The following FAAP100 variants were observed in gnomAD, a reference collection of about 807,000 sequenced individuals.
The protein encoded by FAAP100 is FA core complex associated protein 100.
FAAP100 carries 46 observed loss-of-function variants against 65.8 expected under a neutral mutation model. The ratio of observed to expected loss-of-function variants is 0.70; its 90% CI spans 0.55 to 0.89. FAAP100 has a LOEUF of 0.89. Ranked by LOEUF, FAAP100 falls within the 40% of genes least tolerant of loss-of-function variation. The pLI is 0.00. For synonymous variants in FAAP100, 663 were observed against 555.1 expected (o/e 1.19, Z -2.73); for missense variants, 1,165 against 1,196.7 (o/e 0.97, Z 0.39).
In FAAP100 at chr17:81,541,359, C is replaced by T. The variant is rs199679438; in HGVS notation, c.2464G>A (p.Ala822Thr). Reference sequence around the variant, plus strand: ...AGGTACTGCACACGGAGATCAGGAGCGCTGGAGCCCTGGGTGGCCTGCTCT... The same window carrying T: ...AGGTACTGCACACGGAGATCAGGAGTGCTGGAGCCCTGGGTGGCCTGCTCT... ...VTEQATQGSS[A>T]PDLRVQYLRQ... Residue 822 changes from alanine to threonine, a missense_variant, in exon 8 of 9, where the codon GCT becomes ACT. Transcript: ENST00000327787. 3.7e-5 allele frequency: 60 copies of T among 1,611,592 alleles called. No individual in the cohort carries two copies. Among genetic ancestry groups the T allele is most frequent in the South Asian group, 1.2e-4 (11 of 90,862 alleles).
rs766722306 is a variant in FAAP100, at chr17:81,550,363, C to T, written c.1131G>A (p.Pro377=). The T allele has an allele frequency of 1.5e-5, 24 of 1,612,698 alleles. No homozygotes were observed. Among genetic ancestry groups the T allele is most frequent in the Admixed American group, 3.3e-5 (2 of 60,012 alleles). Reference sequence around the variant, plus strand: ...CTTCTTCGGGCTGCTCAGGGCCCAGCGGGGTGCTTCCCCGAGACAGATCCA... The same window carrying T: ...CTTCTTCGGGCTGCTCAGGGCCCAGTGGGGTGCTTCCCCGAGACAGATCCA... ...CVVDLSRGST[P]LGPEQPEEGP... The change falls in exon 3 of 9, where the codon CCG becomes CCA. Residue 377 remains proline, a synonymous_variant. Transcript: ENST00000327787.
intron 2 of FAAP100, 88 bp from the exon 3 acceptor site, chr17:81,551,291 C>T: frequency 7.5e-7 from 1 of 1,339,184 alleles, no homozygotes; most frequent in South Asian, 1.5e-5. Flanking sequence ...AGTAGTCTGG[C>T]TCAGGGGTTC....
rs1219310879 is a variant in FAAP100, at chr17:81,546,981, G to A, written c.2101C>T (p.Leu701=). The change falls in exon 5 of 9, where the codon CTG becomes TTG. Residue 701 remains leucine, a synonymous_variant. Coordinates refer to ENST00000327787, the MANE Select transcript of FAAP100 (RefSeq NM_025161.6). ...AGPASLRAEY[L]PPSVASIKVS... is the part of the protein sequence containing the mutation. ...TTGATGGAAGCCACAGATGGGGGCA[G>A]GTACTCGGCCCGCAGGGAGGCGGGT... 6.7e-7 allele frequency: 1 copy of A among 1,494,440 alleles called. No homozygotes were observed. Among genetic ancestry groups the A allele is most frequent in the South Asian group, 1.3e-5 (1 of 75,102 alleles). 92.6% of individuals were successfully genotyped at this position (1,494,440 alleles called of 1,614,324 possible). A position where few individuals can be genotyped will look rare whatever the true frequency, so the allele number is the denominator to read the frequency against.
chr17:81,542,181 AAAAAAAAAAAAAAAAAAAAATATATATAT>A (rs1398613093), intron 7 of FAAP100, among the ~76,000 whole-genome samples: 13 of 26,648 alleles, frequency 4.9e-4, no homozygotes, highest in East Asian at 4.3e-3. Context: ...AAAAAAAAAA[AAAAAAAAAAAAAAAAAAAAATATATATAT>A]ATATATATAT....
intron 2 of FAAP100, 124 bp downstream of exon 2, chr17:81,551,804 C>A (rs1247478226): frequency 4.3e-6 from 6 of 1,381,124 alleles, no homozygotes; most frequent in Non-Finnish European, 2.8e-6. Context: ...GCAGGGATGG[C>A]GGCCGAGGCT....
chr17:81,547,780 C>T (rs577635302), intron 4 of FAAP100, 102 bp from the exon 5 acceptor site: 36 of 1,398,450 alleles, frequency 2.6e-5, no homozygotes, highest in African/African-American at 7.1e-5. Context: ...GGCTCCACGA[C>T]AAGCACACGG....
At chr17:81,540,971 G>A in intron 8 of FAAP100, 21 bp from the exon 9 acceptor site, 1 of 1,557,270 alleles carries the variant, frequency 6.4e-7, no homozygotes, top group Non-Finnish European at 8.7e-7. Flanking sequence ...AGCAGACACA[G>A]CTCAGGCCCC....
chr17:81,552,568 T>C (rs2033540096), upstream of FAAP100, among the ~76,000 whole-genome samples: 1 of 152,118 alleles, frequency 6.6e-6, no homozygotes, highest in South Asian at 2.1e-4. Flanking sequence ...AGGTCGAGGT[T>C]GACCCGGCCG....
At chr17:81,542,242 G>A (rs2033143940) in intron 7 of FAAP100, among the ~76,000 whole-genome samples, 1 of 110,682 alleles carries the variant, frequency 9.0e-6, no homozygotes, top group African/African-American at 3.7e-5. Flanking sequence ...TATGAAATCA[G>A]CCAGGCGTGG....
At position 81,540,754 on chromosome 17, in the gene FAAP100, G is replaced by A; in HGVS notation, c.*65C>T. 1.2e-5 allele frequency: 17 copies of A among 1,438,192 alleles called. No homozygotes were observed. Among genetic ancestry groups the A allele is most frequent in the Non-Finnish European group, 1.5e-5 (16 of 1,095,902 alleles). The allele number at this position is 1,438,192 out of a possible 1,614,324, so 89.1% of individuals were successfully genotyped here. A position where few individuals can be genotyped will look rare whatever the true frequency, so the allele number is the denominator to read the frequency against. On this transcript the variant is annotated 3_prime_UTR_variant, in exon 9 of 9. Transcript: ENST00000327787. ...CCAGCTCGGTTTCCCTCTAACCCAT[G>A]AGGCCTGGGGGGGCTGTGACAGAGG...
At chr17:81,545,261 C>CA (rs1321005559) in intron 6 of FAAP100, among the ~76,000 whole-genome samples, 4 of 152,264 alleles carry the variant, frequency 2.6e-5, no homozygotes, top group African/African-American at 9.6e-5. Context: ...GGCTACCCTG[C>CA]AAGCGCCTTT....
chr17:81,552,131 C>T, intron 1 of FAAP100, 35 bp downstream of exon 1: 1 of 1,480,400 alleles, frequency 6.8e-7, no homozygotes, highest in Non-Finnish European at 8.9e-7. Flanking sequence ...GCCGCCCCCG[C>T]CCGGTCCCTC....
chr17:81,552,512 C>T, upstream of FAAP100: 1 of 488,336 alleles, frequency 2.0e-6, no homozygotes, highest in Non-Finnish European at 3.2e-6. Context: ...CGCTGGTACC[C>T]ACGGGGAGCA....
At position 81,549,061 on chromosome 17, in the gene FAAP100, AAAAAAAAAAAAAG is replaced by A; in HGVS notation, c.1403+132_1403+144del. On this transcript the variant is annotated intron_variant, in intron 4 of 8. Coordinates refer to ENST00000327787, the MANE Select transcript of FAAP100 (RefSeq NM_025161.6). The stretch of plus-strand genomic sequence containing the variant: ...TCTCAGAAAAAAAAAAAAAAAAAAA[AAAAAAAAAAAAAG>A]AGGCCAAGTAATGGCCTGGCCTGGA... 11 of 717,384 alleles carry A rather than the reference AAAAAAAAAAAAAG, an allele frequency of 1.5e-5. 1 individual carries two copies. The highest frequency in any genetic ancestry group is 6.0e-5 in the African/African-American group (3 of 49,956). The allele number at this position is 717,384 out of a possible 1,614,324, so 44.4% of individuals were successfully genotyped here. A position where few individuals can be genotyped will look rare whatever the true frequency, so the allele number is the denominator to read the frequency against.
chr17:81,542,471 G>A (rs1232165461), intron 7 of FAAP100, among the ~76,000 whole-genome samples: 1 of 152,140 alleles, frequency 6.6e-6, no homozygotes, highest in Non-Finnish European at 1.5e-5. Flanking sequence ...GTGAAGAGAC[G>A]ACACCCTGAG....
intron 2 of FAAP100, chr17:81,551,722 C>A (rs2033501768): frequency 1.0e-5 from 14 of 1,341,126 alleles, no homozygotes; most frequent in Non-Finnish European, 1.3e-5. Flanking sequence ...ACCATGTGAA[C>A]CCCACTTACT....
chr17:81,548,147 C>A, intron 4 of FAAP100: 1 of 598,836 alleles, frequency 1.7e-6, no homozygotes, highest in South Asian at 2.0e-5. Flanking sequence ...CCACAGGGAC[C>A]CGGAGTGACA....
chr17:81,541,019 G>A, intron 8 of FAAP100, 69 bp from the exon 9 acceptor site: 2 of 1,481,210 alleles, frequency 1.4e-6, no homozygotes, highest in Non-Finnish European at 9.0e-7. Flanking sequence ...TACCTCTGGG[G>A]GACCCACCAC....
chr17:81,551,949 A>T lies in FAAP100; in HGVS notation c.269T>A (p.Leu90Gln). ...TCACCTGCTCCTGCCCGGGTGGTCC[A>T]GCGACAGGCAGTAGAGGCCCCTCCG... ...CARRGLYCLS[L>Q]DHPGRSRSTS... Residue 90 changes from leucine (L) to glutamine (Q), a missense_variant, in exon 2 of 9, where the codon CTG becomes CAG. Leu to Gln is a moderately radical substitution (Grantham distance 113, BLOSUM62 -2). Coordinates refer to ENST00000327787, the MANE Select transcript of FAAP100 (RefSeq NM_025161.6). 6.4e-7 allele frequency: 1 copy of T among 1,562,754 alleles called. No individual in the cohort carries two copies. Among genetic ancestry groups the T allele is most frequent in the Non-Finnish European group, 8.6e-7 (1 of 1,163,522 alleles).
Sources: allele counts gnomAD v4.1 joint callset (sites outside exome capture counted in the v4.1 genomes callset), GRCh38; gene constraint gnomAD v4.1.1; transcripts MANE v1.5; gene names NCBI Gene and HGNC (gene_info 2026-07-23, HGNC 2026-07-21).